RAB23: variants seen among roughly 807,000 people sequenced by gnomAD.
RAB23 encodes the protein ras-related protein Rab-23.
A neutral mutation model predicts 30.0 loss-of-function variants in RAB23; 15 were observed. That is an observed-to-expected ratio of 0.50 (90% CI 0.33 to 0.77). RAB23 has a LOEUF of 0.77. Among genes scored for constraint, RAB23 ranks in the 30% least tolerant of loss-of-function variants. RAB23 has a pLI of 0.02. For synonymous variants in RAB23, 93 were observed against 94.0 expected, an observed-to-expected ratio of 0.99 and a Z score of 0.06; for missense variants, 243 against 275.4, an observed-to-expected ratio of 0.88 and a Z score of 0.83.
At chr6:57,211,591 C>T (rs1395347912) in intron 1 of RAB23, among the ~76,000 whole-genome samples, 1 of 152,114 alleles carries the variant, frequency 6.6e-6, no homozygotes, top group African/African-American at 2.4e-5. Context: ...AAAAAGCACC[C>T]CAAAGAAGGT....
intron 3 of RAB23, among the ~76,000 whole-genome samples, chr6:57,200,786 T>C (rs2128000085): frequency 6.6e-6 from 1 of 150,952 alleles, no homozygotes; most frequent in South Asian, 2.1e-4. Context: ...AGAGTGAGAG[T>C]GAAAAATCAA....
intron 3 of RAB23, among the ~76,000 whole-genome samples, chr6:57,203,010 T>TTTG (rs1268025653): frequency 7.1e-6 from 1 of 140,930 alleles, no homozygotes; most frequent in African/African-American, 2.6e-5. Context: ...GTTTTTTTTT[T>TTTG]TTTTTTTTTT....
At chr6:57,203,936 G>A (rs1400726891) in intron 3 of RAB23, among the ~76,000 whole-genome samples, 2 of 152,152 alleles carry the variant, frequency 1.3e-5, no homozygotes, top group African/African-American at 4.8e-5. Flanking sequence ...ATATGTTTTA[G>A]AGCAGGCAGT....
chr6:57,188,524 T>TAAAG lies in RAB23; in HGVS notation c.*1933_*1936dup, dbSNP rs1202376613. 8 of 152,084 alleles carry TAAAG rather than the reference T, an allele frequency of 5.3e-5. No individual in the cohort carries two copies. Among genetic ancestry groups the TAAAG allele is most frequent in the Admixed American group, 1.3e-4 (2 of 15,272 alleles). 9.4% of individuals were successfully genotyped at this position (152,084 alleles called of 1,614,324 possible). A position where few individuals can be genotyped will look rare whatever the true frequency, so the allele number is the denominator to read the frequency against. ...ATATAACAAGTGATTTTTCTGCCAA[T>TAAAG]AAAGACAAAAGACTATTTGTTGCAA... On this transcript the variant is annotated 3_prime_UTR_variant, in exon 7 of 7. Transcript: ENST00000468148.
At chr6:57,192,247 TAAAG>T in intron 6 of RAB23, among the ~76,000 whole-genome samples, 1 of 152,290 alleles carries the variant, frequency 6.6e-6, no homozygotes, top group Non-Finnish European at 1.5e-5. Flanking sequence ...AGCTAAAAGA[TAAAG>T]AACTTTATAG....
At chr6:57,202,523 G>A (rs116674507) in intron 3 of RAB23, among the ~76,000 whole-genome samples, 1,765 of 152,306 alleles carry the variant, frequency 0.012, 28 homozygotes, top group African/African-American at 0.04. Flanking sequence ...CCCCAAGGAT[G>A]TAAACAAAGC....
chr6:57,199,770 C>T (rs920016476), intron 3 of RAB23, among the ~76,000 whole-genome samples: 32 of 152,018 alleles, frequency 2.1e-4, no homozygotes, highest in African/African-American at 7.7e-4. Flanking sequence ...TCTGATTTAA[C>T]CTAAAAATAT....
At position 57,199,161 on chromosome 6, in the gene RAB23, C is replaced by T. The variant is rs78859313; in HGVS notation, c.242-2555G>A. ...CAGCTGTGGAGAACAGTTCCTGTGCCAGTTGCTCCTGCCTATGCTGCAGGG... is the reference window on the plus strand; with the variant it reads ...CAGCTGTGGAGAACAGTTCCTGTGCTAGTTGCTCCTGCCTATGCTGCAGGG... On this transcript the variant is annotated intron_variant, in intron 3 of 6. Coordinates refer to ENST00000468148, the MANE Select transcript of RAB23 (RefSeq NM_016277.5). Among the ~76,000 whole-genome samples, 442 of 152,336 alleles carry T rather than the reference C, an allele frequency of 2.9e-3. 1 individual carries two copies. The highest frequency in any genetic ancestry group is 6.8e-3 in the Middle Eastern group (2 of 294).
Position 57,191,260 on chromosome 6 carries a change from T to G in RAB23, c.575-660A>C, listed in dbSNP as rs1764828539. Among the ~76,000 whole-genome samples, 3 of 152,258 alleles carry G rather than the reference T, an allele frequency of 2.0e-5. No individual in the cohort carries two copies. In the South Asian group the frequency reaches 6.2e-4, roughly 32 times the overall value. ...CCCAGATTTTCACCCCTTGCCAGTT[T>G]TCCCACCCCTAAGGTACGCATGTTA... On this transcript the variant is annotated intron_variant, in intron 6 of 6. Transcript: ENST00000468148.
chr6:57,204,696 T>C, intron 3 of RAB23, among the ~76,000 whole-genome samples: 1 of 152,066 alleles, frequency 6.6e-6, no homozygotes, highest in South Asian at 2.1e-4. Context: ...AAGGAAACTT[T>C]TCAGATATAT....
intron 6 of RAB23, among the ~76,000 whole-genome samples, 164 bp from the exon 7 acceptor site, chr6:57,190,764 G>A (rs1593204338): frequency 1.3e-5 from 2 of 152,058 alleles, no homozygotes; most frequent in African/African-American, 2.4e-5. Flanking sequence ...TTAGGCATAC[G>A]GTTCAGTGGT....
intron 1 of RAB23, among the ~76,000 whole-genome samples, chr6:57,216,041 A>G (rs903639558): frequency 6.6e-6 from 1 of 152,258 alleles, no homozygotes; most frequent in Non-Finnish European, 1.5e-5. Flanking sequence ...TAAAATTACA[A>G]TGCCATATGT....
chr6:57,199,394 A>T (rs1765150828), intron 3 of RAB23, among the ~76,000 whole-genome samples: 1 of 152,114 alleles, frequency 6.6e-6, no homozygotes, highest in South Asian at 2.1e-4. Context: ...TCCTTGCCTC[A>T]TTCTCCCTAG....
At chr6:57,209,745 A>G (rs1457393544) in intron 2 of RAB23, among the ~76,000 whole-genome samples, 1 of 152,232 alleles carries the variant, frequency 6.6e-6, no homozygotes, top group Non-Finnish European at 1.5e-5. Flanking sequence ...TCCTTTTCAT[A>G]GGCAAATTTT....
At chr6:57,219,683 A>T (rs190058171) in intron 1 of RAB23, among the ~76,000 whole-genome samples, 7 of 152,250 alleles carry the variant, frequency 4.6e-5, no homozygotes, top group Admixed American at 2.6e-4. Context: ...TTGATTTTTA[A>T]CAAAGGTGCA....
chr6:57,202,645 A>T (rs949076255), intron 3 of RAB23, among the ~76,000 whole-genome samples: 16 of 152,208 alleles, frequency 1.1e-4, no homozygotes, highest in Admixed American at 2.6e-4. Context: ...CAGTAAGGTT[A>T]TAGGCTGAAC....
intron 4 of RAB23, among the ~76,000 whole-genome samples, 181 bp from the exon 5 acceptor site, chr6:57,195,033 A>C (rs1288382594): frequency 1.3e-5 from 2 of 152,212 alleles, no homozygotes; most frequent in Non-Finnish European, 2.9e-5. Context: ...TTCCCAGTTA[A>C]GTAAAATCAG....
At chr6:57,219,550 T>G (rs1397133900) in intron 1 of RAB23, among the ~76,000 whole-genome samples, 2 of 152,176 alleles carry the variant, frequency 1.3e-5, no homozygotes, top group East Asian at 1.9e-4. Context: ...TGGAGGAAAT[T>G]ATACTACCTG....
At chr6:57,206,112 T>C (rs958631603) in intron 3 of RAB23, among the ~76,000 whole-genome samples, 1 of 152,188 alleles carries the variant, frequency 6.6e-6, no homozygotes, top group East Asian at 1.9e-4. Flanking sequence ...CGGATGCAGA[T>C]TGGTAGATAG....
Sources: gnomAD v4.1 joint callset for allele counts (sites outside exome capture counted in the v4.1 genomes callset) on GRCh38, gnomAD v4.1.1 for gene constraint, MANE v1.5 for transcripts, NCBI Gene and HGNC (gene_info 2026-07-23, HGNC 2026-07-21) for gene names.